RBM26: variants seen among roughly 807,000 people sequenced by gnomAD.
The protein encoded by RBM26 is RNA binding motif protein 26.
A neutral mutation model predicts 123.6 loss-of-function variants in RBM26; 30 were observed. The ratio of observed to expected loss-of-function variants is 0.24; its 90% CI spans 0.18 to 0.33. RBM26 has a LOEUF of 0.33. RBM26 is among the 10% of genes least tolerant of loss of function. The pLI, the probability that RBM26 is intolerant of heterozygous loss-of-function variation, is 1.00. For synonymous variants in RBM26, 400 were observed against 404.4 expected, an observed-to-expected ratio of 0.99 and a Z score of 0.13; for missense variants, 947 against 1,203.6, an observed-to-expected ratio of 0.79 and a Z score of 3.15.
At chr13:79,330,388 A>C (rs185373122) in intron 20 of RBM26, among the ~76,000 whole-genome samples, 1 of 152,308 alleles carries the variant, frequency 6.6e-6, no homozygotes, top group East Asian at 1.9e-4. Flanking sequence ...ATGTTGGGTG[A>C]AACAAAATTA....
At chr13:79,360,742 G>A (rs1376890124) in intron 9 of RBM26, among the ~76,000 whole-genome samples, 3 of 152,096 alleles carry the variant, frequency 2.0e-5, no homozygotes, top group African/African-American at 7.2e-5. Flanking sequence ...AAAATACAGT[G>A]TAAAAGAGCT....
At chr13:79,374,093 T>C (rs1184458678) in intron 3 of RBM26, among the ~76,000 whole-genome samples, 3 of 152,080 alleles carry the variant, frequency 2.0e-5, no homozygotes, top group Non-Finnish European at 2.9e-5. Context: ...CTCATGCAGG[T>C]AGTCTACGCA....
chr13:79,330,184 G>T (rs2069077860), intron 20 of RBM26, among the ~76,000 whole-genome samples: 1 of 152,114 alleles, frequency 6.6e-6, no homozygotes. Context: ...TTATTCAGAG[G>T]CTTGTCTCTA....
chr13:79,353,239 A>T lies in RBM26; in HGVS notation c.1987-15T>A, dbSNP rs1463601550. ...TTAGTTACATTCTAAAAAAATTAAA[A>T]TGGACATATTCAGTGTTTCCCCAAA... is the stretch of plus-strand genomic sequence containing the variant. On this transcript the variant is annotated splice_polypyrimidine_tract_variant and intron_variant, in intron 13 of 21. Coordinates refer to ENST00000438737, the MANE Select transcript of RBM26 (RefSeq NM_001366735.2). 6 of 1,446,822 alleles carry T rather than the reference A, an allele frequency of 4.1e-6. No homozygotes were observed. Among genetic ancestry groups the T allele is most frequent in the Non-Finnish European group, 5.7e-6 (6 of 1,050,540 alleles). 89.6% of individuals were successfully genotyped at this position (1,446,822 alleles called of 1,614,324 possible).
chr13:79,373,781 T>C (rs1348598474), intron 3 of RBM26, among the ~76,000 whole-genome samples: 1 of 140,952 alleles, frequency 7.1e-6, no homozygotes. Context: ...TAAGGTGAAA[T>C]AGTTCTCCAG....
chr13:79,373,543 T>G (rs1413295554), intron 3 of RBM26, among the ~76,000 whole-genome samples: 1 of 25,716 alleles, frequency 3.9e-5, no homozygotes, highest in Non-Finnish European at 7.2e-5. Context: ...TTATATAATA[T>G]ATTTATATAT....
intron 6 of RBM26, 66 bp downstream of exon 6, chr13:79,368,664 T>G: frequency 6.7e-7 from 1 of 1,488,586 alleles, no homozygotes; most frequent in South Asian, 1.3e-5. Flanking sequence ...ATGTACAACA[T>G]AAACACAGAA....
At chr13:79,336,880 T>C (rs1278653653) in intron 19 of RBM26, among the ~76,000 whole-genome samples, 1 of 152,202 alleles carries the variant, frequency 6.6e-6, no homozygotes, top group African/African-American at 2.4e-5. Context: ...TTTCACAGTA[T>C]TTCATGGCCT....
intron 1 of RBM26, among the ~76,000 whole-genome samples, chr13:79,390,443 G>A (rs2077860851): frequency 6.6e-6 from 1 of 152,132 alleles, no homozygotes; most frequent in Admixed American, 6.5e-5. Context: ...CTAGAGGTAG[G>A]TGGGGGCATG....
At chr13:79,329,280 C>G (rs1422654268) in intron 20 of RBM26, among the ~76,000 whole-genome samples, 1 of 151,624 alleles carries the variant, frequency 6.6e-6, no homozygotes, top group East Asian at 1.9e-4. Flanking sequence ...AAATTAAATG[C>G]AAAGTATCAG....
At chr13:79,359,793 TA>T in intron 9 of RBM26, 107 bp from the exon 10 acceptor site, 1 of 204,698 alleles carries the variant, frequency 4.9e-6, no homozygotes, top group Non-Finnish European at 9.0e-6. Context: ...TGTCTAAATA[TA>T]TATATATATA....
chr13:79,362,580 C>T (rs1283600265), intron 9 of RBM26, among the ~76,000 whole-genome samples: 2 of 152,238 alleles, frequency 1.3e-5, no homozygotes, highest in East Asian at 1.9e-4. Flanking sequence ...GTATCTAGCA[C>T]GTGCGATGTT....
At chr13:79,363,847 G>A (rs902277076) in intron 9 of RBM26, among the ~76,000 whole-genome samples, 5 of 152,124 alleles carry the variant, frequency 3.3e-5, no homozygotes, top group Non-Finnish European at 5.9e-5. Flanking sequence ...AAGCAGCAAG[G>A]TAGAAAGAAA....
intron 1 of RBM26, among the ~76,000 whole-genome samples, chr13:79,383,360 A>G (rs989166338): frequency 6.6e-6 from 1 of 152,300 alleles, no homozygotes; most frequent in Non-Finnish European, 1.5e-5. Flanking sequence ...AGCATTTTTT[A>G]AAAATTACAC....
At chr13:79,338,233 A>C (rs1289018917) in intron 18 of RBM26, among the ~76,000 whole-genome samples, 1 of 152,216 alleles carries the variant, frequency 6.6e-6, no homozygotes, top group Non-Finnish European at 1.5e-5. Context: ...AGAGCAACTA[A>C]GTTATTTAAC....
chr13:79,387,440 G>A (rs553543972), intron 1 of RBM26, among the ~76,000 whole-genome samples: 74 of 152,078 alleles, frequency 4.9e-4, no homozygotes, highest in African/African-American at 1.7e-3. Flanking sequence ...TTGAAGAAAA[G>A]CACTGAACTG....
chr13:79,319,653 T>C lies in RBM26; in HGVS notation c.*968A>G. 2 of 984,366 alleles carry C rather than the reference T, an allele frequency of 2.0e-6. No homozygotes were observed. Among genetic ancestry groups the C allele is most frequent in the Non-Finnish European group, 2.4e-6 (2 of 829,186 alleles). 61.0% of individuals were successfully genotyped at this position (984,366 alleles called of 1,614,324 possible). ...ATGTGATGTTTTCTTATTCACCAAA[T>C]GTTAGCTCTACTTGCAGTCTGGTTC... is the stretch of plus-strand genomic sequence containing the variant. On this transcript the variant is annotated 3_prime_UTR_variant, in exon 22 of 22. Coordinates refer to ENST00000438737, the MANE Select transcript of RBM26 (RefSeq NM_001366735.2).
At chr13:79,379,478 A>G (rs535140147) in intron 1 of RBM26, among the ~76,000 whole-genome samples, 1 of 151,868 alleles carries the variant, frequency 6.6e-6, no homozygotes, top group African/African-American at 2.4e-5. Context: ...AGAAGTTCAA[A>G]GCTGCAGTGA....
In RBM26 at chr13:79,343,319, G is replaced by T. The variant is rs572387690; in HGVS notation, c.2260-488C>A. Among the ~76,000 whole-genome samples the T allele has an allele frequency of 2.6e-5, 4 of 151,858 alleles. No individual in the cohort carries two copies. The South Asian group carries it at 6.2e-4, about 24-fold the overall frequency. The stretch of plus-strand genomic sequence containing the variant: ...TTAATTACTTTTTCACCTGAGAATG[G>T]TATTCCCAACATGAACAGGAAACAA... On this transcript the variant is annotated intron_variant, in intron 16 of 21. Transcript: ENST00000438737.
Sources: gnomAD v4.1 joint callset for allele counts (sites outside exome capture counted in the v4.1 genomes callset) on GRCh38, gnomAD v4.1.1 for gene constraint, MANE v1.5 for transcripts, NCBI Gene and HGNC (gene_info 2026-07-23, HGNC 2026-07-21) for gene names.